RBFOX1: variants seen among roughly 807,000 people sequenced by gnomAD.
RBFOX1 encodes RNA binding fox-1 homolog 1.
A neutral mutation model predicts 57.7 loss-of-function variants in RBFOX1; 8 were observed. The observed-to-expected ratio is 0.14, with a 90% CI of 0.08 to 0.25. The LOEUF is 0.25. RBFOX1 is among the 10% of genes least tolerant of loss of function. The probability of loss-of-function intolerance (pLI) is 1.00; values close to 1 mark genes in which losing one functional copy is unlikely to be tolerated. For missense variants in RBFOX1, 611 were observed against 548.5 expected, an observed-to-expected ratio of 1.11 and a Z score of -1.14; for synonymous variants, 326 against 222.4, an observed-to-expected ratio of 1.47 and a Z score of -4.15.
chr16:6,851,051 AATT>A (rs1394981560), intron 3 of RBFOX1, among the ~76,000 whole-genome samples: 1 of 152,180 alleles, frequency 6.6e-6, no homozygotes, highest in African/African-American at 2.4e-5. Context: ...AAAAAGAACA[AATT>A]ATTGATGATA....
chr16:6,917,716 C>G (rs1365139105), intron 3 of RBFOX1, among the ~76,000 whole-genome samples: 1 of 152,186 alleles, frequency 6.6e-6, no homozygotes, highest in Non-Finnish European at 1.5e-5. Context: ...CCCTTTGCTT[C>G]GATGGGAACC....
intron 4 of RBFOX1, among the ~76,000 whole-genome samples, chr16:7,476,655 G>T (rs1013596804): frequency 6.6e-6 from 1 of 152,008 alleles, no homozygotes; most frequent in Non-Finnish European, 1.5e-5. Context: ...TCACCTTTGG[G>T]GCACATTCTA....
intron 4 of RBFOX1, among the ~76,000 whole-genome samples, chr16:7,194,339 T>C (rs538886915): frequency 6.6e-6 from 1 of 152,208 alleles, no homozygotes. Flanking sequence ...ATTACTGATA[T>C]CCAGTTGCCT....
At chr16:7,225,879 T>A (rs1468831538) in intron 4 of RBFOX1, among the ~76,000 whole-genome samples, 1 of 134,868 alleles carries the variant, frequency 7.4e-6, no homozygotes, top group Non-Finnish European at 1.5e-5. Context: ...ATTGTGCACA[T>A]GTACCCTAGA....
intron 1 of RBFOX1, among the ~76,000 whole-genome samples, chr16:5,291,938 A>G (rs1209367772): frequency 6.6e-6 from 1 of 151,312 alleles, no homozygotes; most frequent in Non-Finnish European, 1.5e-5. Context: ...CTTTGTGAAG[A>G]GGAATGTTTG....
intron 3 of RBFOX1, among the ~76,000 whole-genome samples, chr16:6,801,954 T>C (rs1357782571): frequency 6.6e-6 from 1 of 152,006 alleles, no homozygotes; most frequent in East Asian, 1.9e-4. Context: ...TCTAAATGGG[T>C]CTAGGTGCTG....
At chr16:5,758,926 C>T (rs935647817) in intron 3 of RBFOX1, among the ~76,000 whole-genome samples, 5 of 151,748 alleles carry the variant, frequency 3.3e-5, no homozygotes, top group Admixed American at 3.3e-4. Flanking sequence ...TGTGTATATG[C>T]GAAAGGAAAT....
rs532274161 is a variant in RBFOX1 at position 5,960,878 on chromosome 16, G to A, written c.351+93543G>A. Among the ~76,000 whole-genome samples the A allele has an allele frequency of 4.6e-5, 7 of 152,290 alleles. No homozygotes were observed. In the East Asian group the frequency reaches 1.4e-3, roughly 29 times the overall value. ...ACATGAAGATCAATGGTGTTGATAG[G>A]CTGTTGACAGAGTGTTGACCATAAG... On this transcript the variant is annotated intron_variant, in intron 4 of 19. Transcript: ENST00000641259.
intron 3 of RBFOX1, among the ~76,000 whole-genome samples, chr16:6,680,528 G>C (rs891822936): frequency 6.6e-5 from 10 of 152,118 alleles, no homozygotes; most frequent in African/African-American, 1.7e-4. Context: ...CTCCCAAAGT[G>C]CTGGGATTAC....
At chr16:6,900,220 C>G (rs1012067547) in intron 3 of RBFOX1, among the ~76,000 whole-genome samples, 1 of 152,160 alleles carries the variant, frequency 6.6e-6, no homozygotes, top group Non-Finnish European at 1.5e-5. Context: ...GAATAATTCA[C>G]TTGCTATTTA....
chr16:7,581,225 G>A (rs1200220806), intron 6 of RBFOX1, among the ~76,000 whole-genome samples: 1 of 152,148 alleles, frequency 6.6e-6, no homozygotes, highest in East Asian at 1.9e-4. Context: ...CTCTCATTTG[G>A]TAATAACCTT....
chr16:7,685,911 G>C (rs905392946), intron 14 of RBFOX1, among the ~76,000 whole-genome samples: 1 of 152,002 alleles, frequency 6.6e-6, no homozygotes, highest in Non-Finnish European at 1.5e-5. Flanking sequence ...CAGAGAATAG[G>C]ATTACAGATT....
chr16:6,393,694 G>T (rs1234128174), intron 2 of RBFOX1, among the ~76,000 whole-genome samples: 1 of 152,074 alleles, frequency 6.6e-6, no homozygotes, highest in Non-Finnish European at 1.5e-5. Flanking sequence ...TATCTCTGCT[G>T]ACTGTGTCTT....
At chr16:7,498,424 A>C (rs1326077584) in intron 4 of RBFOX1, among the ~76,000 whole-genome samples, 2 of 149,846 alleles carry the variant, frequency 1.3e-5, no homozygotes, top group African/African-American at 4.9e-5. Context: ...CCATGGTCAC[A>C]AATATGAATC....
chr16:7,573,821 C>A (rs1484323640), intron 5 of RBFOX1, among the ~76,000 whole-genome samples: 1 of 143,762 alleles, frequency 7.0e-6, no homozygotes, highest in African/African-American at 2.5e-5. Context: ...GGCAACAGAA[C>A]AAGACTCTGT....
chr16:6,435,505 T>A (rs1334929219), intron 2 of RBFOX1, among the ~76,000 whole-genome samples: 1 of 152,108 alleles, frequency 6.6e-6, no homozygotes, highest in Non-Finnish European at 1.5e-5. Flanking sequence ...GGTTTCCCCA[T>A]GTTGGCCAGG....
At chr16:6,371,283 T>C (rs1330077569) in intron 2 of RBFOX1, among the ~76,000 whole-genome samples, 1 of 152,226 alleles carries the variant, frequency 6.6e-6, no homozygotes, top group Non-Finnish European at 1.5e-5. Flanking sequence ...GAGTCAATTA[T>C]GATTATTACG....
intron 3 of RBFOX1, among the ~76,000 whole-genome samples, chr16:7,051,776 G>T (rs932549919): frequency 6.6e-6 from 1 of 152,096 alleles, no homozygotes; most frequent in South Asian, 2.1e-4. Context: ...AAGAGGGGAG[G>T]TGCCCTCATC....
At chr16:6,009,259 A>G (rs75096822) in intron 4 of RBFOX1, among the ~76,000 whole-genome samples, 1 of 152,114 alleles carries the variant, frequency 6.6e-6, no homozygotes, top group African/African-American at 2.4e-5. Flanking sequence ...ACCTCATTCC[A>G]TTTTTCTACC....
Sources: gnomAD v4.1 joint callset for allele counts (sites outside exome capture counted in the v4.1 genomes callset) on GRCh38, gnomAD v4.1.1 for gene constraint, MANE v1.5 for transcripts, NCBI Gene and HGNC (gene_info 2026-07-23, HGNC 2026-07-21) for gene names.